Variants in DNAI7 observed in about 807,000 individuals in gnomAD.
DNAI7 encodes cancer susceptibility 1.
Under a neutral mutation model 86.6 loss-of-function variants are expected in DNAI7, and 78 were observed. The ratio of observed to expected loss-of-function variants is 0.90; its 90% CI spans 0.75 to 1.09. The LOEUF is 1.09. Ranked by LOEUF, DNAI7 falls within the 50% of genes least tolerant of loss-of-function variation. The pLI, the probability that DNAI7 is intolerant of heterozygous loss-of-function variation, is 0.00. For synonymous variants in DNAI7, 274 were observed against 273.0 expected (o/e 1.00, Z -0.04); for missense variants, 753 against 810.2 (o/e 0.93, Z 0.86).
intron 2 of DNAI7, 150 bp from the exon 3 acceptor site, chr12:25,161,347 G>A: frequency 1.5e-6 from 1 of 668,314 alleles, no homozygotes; most frequent in Non-Finnish European, 2.7e-6. Flanking sequence ...GCCTCTTAGT[G>A]TAAAGCTTTG....
At chr12:25,125,743 T>C (rs1042425529) in intron 9 of DNAI7, among the ~76,000 whole-genome samples, 1 of 152,130 alleles carries the variant, frequency 6.6e-6, no homozygotes, top group African/African-American at 2.4e-5. Context: ...TAATTTTGGG[T>C]TTTACATTTA....
At chr12:25,156,936 T>A (rs547691916) in intron 4 of DNAI7, among the ~76,000 whole-genome samples, 12 of 152,234 alleles carry the variant, frequency 7.9e-5, no homozygotes, top group Admixed American at 7.8e-4. Flanking sequence ...GATAGATCAA[T>A]GTTTTAAAAT....
chr12:25,116,196 G>A (rs1326434817), intron 12 of DNAI7, among the ~76,000 whole-genome samples: 2 of 150,468 alleles, frequency 1.3e-5, no homozygotes, highest in Admixed American at 6.7e-5. Context: ...TCCTGCTCTC[G>A]ATTGGAGGGT....
At chr12:25,113,775 C>T (rs1939467675) in intron 13 of DNAI7, among the ~76,000 whole-genome samples, 1 of 152,022 alleles carries the variant, frequency 6.6e-6, no homozygotes, top group Non-Finnish European at 1.5e-5. Flanking sequence ...CAGACTGGTA[C>T]AACTATCCCC....
chr12:25,173,936 T>TCATATATATGGAATATATATAC (rs1948448551), intron 2 of DNAI7, among the ~76,000 whole-genome samples: 1 of 142,968 alleles, frequency 7.0e-6, no homozygotes, highest in Admixed American at 6.9e-5. Flanking sequence ...TCATATATAA[T>TCATATATATGGAATATATATAC]CATATATATG....
At chr12:25,170,677 A>G (rs1424253523) in intron 2 of DNAI7, among the ~76,000 whole-genome samples, 2 of 152,224 alleles carry the variant, frequency 1.3e-5, no homozygotes. Context: ...CAGAATACAC[A>G]TTCTATTCAA....
At chr12:25,112,314 A>G (rs76474389) in intron 13 of DNAI7, among the ~76,000 whole-genome samples, 11,002 of 152,054 alleles carry the variant, frequency 0.072, 423 homozygotes, top group South Asian at 0.13. Context: ...CATCCGTAAA[A>G]GTTAACATAA....
chr12:25,111,236 A>G (rs2140336276), intron 14 of DNAI7, among the ~76,000 whole-genome samples: 1 of 152,364 alleles, frequency 6.6e-6, no homozygotes, highest in East Asian at 1.9e-4. Flanking sequence ...AGATGCTAGA[A>G]GAATCAATGT....
intron 9 of DNAI7, among the ~76,000 whole-genome samples, chr12:25,142,685 A>C (rs190904580): frequency 6.6e-6 from 1 of 152,332 alleles, no homozygotes; most frequent in Admixed American, 6.5e-5. Context: ...TCTTATGTAA[A>C]ATACTGATAG....
Position 25,149,633 on chromosome 12 carries a change from G to A in DNAI7, c.580C>T (p.Leu194Phe). ...AAGCAAAATATCACACTTACTTTGAGAAGTATTTCTGTGGCTACACCGAAT... is the reference window on the plus strand; with the variant it reads ...AAGCAAAATATCACACTTACTTTGAAAAGTATTTCTGTGGCTACACCGAAT... Reference protein sequence around the residue: ...LKFGVATEILLKQASTLADLD... With the variant: ...LKFGVATEILFKQASTLADLD... Residue 194 changes from leucine (L) to phenylalanine (F), a missense_variant, in exon 7 of 16, where the codon CTC becomes TTC. Physicochemically the swap from Leu to Phe is conservative, Grantham distance 22. Transcript: ENST00000395987. 6.2e-7 allele frequency: 1 copy of A among 1,600,964 alleles called. No homozygotes were observed. The highest frequency in any genetic ancestry group is 1.1e-5 in the South Asian group (1 of 87,754).
In DNAI7 at chr12:25,139,529, G is replaced by A. The variant is rs534318663; in HGVS notation, c.1002+4836C>T. Among the ~76,000 whole-genome samples the A allele has an allele frequency of 1.4e-4, 22 of 152,282 alleles. No homozygotes were observed. In the East Asian group the frequency reaches 1.9e-3, roughly 13 times the overall value. On this transcript the variant is annotated intron_variant, in intron 9 of 15. Transcript: ENST00000395987. ...AATTCATGCAGCCATAAAAAAGGAT[G>A]AGTTCCTATCCTTTGCAGGGGACAT...
At chr12:25,114,546 T>C (rs1592189597) in intron 13 of DNAI7, 110 bp downstream of exon 13, 5 of 661,910 alleles carry the variant, frequency 7.6e-6, no homozygotes, top group South Asian at 5.7e-5. Flanking sequence ...AAGACACTTA[T>C]ATTTCAATAT....
rs375263473 is a variant in DNAI7 at position 25,120,285 on chromosome 12, G to A, written c.1240-984C>T. 1.5e-3 allele frequency among the ~76,000 whole-genome samples: 202 copies of A among 135,170 alleles called. 3 individuals carry two copies. Among genetic ancestry groups the A allele is most frequent in the African/African-American group, 4.9e-3 (194 of 39,430 alleles). The allele number at this position is 135,170 out of a possible 152,430, so 88.7% of individuals were successfully genotyped here. On this transcript the variant is annotated intron_variant, in intron 11 of 15. Transcript: ENST00000395987. ...CTGTGTACAGGTGTGTTAGGGGAGA[G>A]AGGGTGAGAAGAGAGAGAGAGGCAG...
chr12:25,108,182 G>GATT, downstream of DNAI7: 1 of 1,108,954 alleles, frequency 9.0e-7, no homozygotes, highest in Non-Finnish European at 1.3e-6. Context: ...ATGACTGTAA[G>GATT]ATAGCTTACA....
At chr12:25,133,861 C>T (rs890446278) in intron 9 of DNAI7, among the ~76,000 whole-genome samples, 3 of 152,182 alleles carry the variant, frequency 2.0e-5, no homozygotes, top group Non-Finnish European at 4.4e-5. Flanking sequence ...CTGTATCTAC[C>T]ATTCACACAA....
chr12:25,130,315 A>G (rs1193492845), intron 9 of DNAI7, among the ~76,000 whole-genome samples: 2 of 152,172 alleles, frequency 1.3e-5, no homozygotes, highest in Non-Finnish European at 2.9e-5. Flanking sequence ...AGGCAGGCAG[A>G]GCACAAGGTC....
In DNAI7 at chr12:25,123,276, T is replaced by C. The variant is rs576964518; in HGVS notation, c.1013A>G (p.Glu338Gly). The change falls in exon 10 of 16, where the codon GAG becomes GGG. Residue 338 changes from glutamate to glycine, a missense_variant. By Grantham distance (98) the Glu-to-Gly change is moderately conservative (BLOSUM62 -2). Coordinates refer to ENST00000395987, the MANE Select transcript of DNAI7 (RefSeq NM_018272.5). ...GDIEVKMSSA[E>G]EESEAIKCER... The stretch of plus-strand genomic sequence containing the variant: ...ACATTTTATGGCTTCAGATTCTTCC[T>C]CAGCAGAACTCTATAAAAAACCACA... 105 of 1,605,494 alleles carry C rather than the reference T, an allele frequency of 6.5e-5. 2 individuals are homozygous for C. The South Asian group carries it at 1.2e-3, about 18-fold the overall frequency.
chr12:25,125,707 G>C (rs1942034702), intron 9 of DNAI7, among the ~76,000 whole-genome samples: 1 of 152,078 alleles, frequency 6.6e-6, no homozygotes, highest in South Asian at 2.1e-4. Flanking sequence ...GGATTGTATT[G>C]CCTGGGTTGT....
chr12:25,150,754 T>C (rs1945441165), intron 6 of DNAI7, among the ~76,000 whole-genome samples: 1 of 152,128 alleles, frequency 6.6e-6, no homozygotes, highest in Admixed American at 6.5e-5. Context: ...CAGTTAACTA[T>C]GTGTGACAGC....
Sources: allele counts gnomAD v4.1 joint callset (sites outside exome capture counted in the v4.1 genomes callset), GRCh38; gene constraint gnomAD v4.1.1; transcripts MANE v1.5; gene names NCBI Gene and HGNC (gene_info 2026-07-23, HGNC 2026-07-21).